KLHL25: variants seen among roughly 807,000 people sequenced by gnomAD.
The protein encoded by KLHL25 is kelch-like protein 25.
A neutral mutation model predicts 30.0 loss-of-function variants in KLHL25; 41 were observed. The observed-to-expected ratio is 1.37, with a 90% confidence interval of 1.07 to 1.78. KLHL25 has a LOEUF of 1.78. Ranked by LOEUF, KLHL25 falls within the 40% of genes most tolerant of loss-of-function variation. The pLI, the probability that KLHL25 is intolerant of heterozygous loss-of-function variation, is 0.00. For missense variants in KLHL25, 971 were observed against 824.5 expected, an observed-to-expected ratio of 1.18 and a Z score of -2.18; for synonymous variants, 399 against 355.3, an observed-to-expected ratio of 1.12 and a Z score of -1.38.
chr15:85,780,451 T>G (rs2089736049), intron 1 of KLHL25, among the ~76,000 whole-genome samples: 1 of 152,224 alleles, frequency 6.6e-6, no homozygotes, highest in African/African-American at 2.4e-5. Context: ...AGATGCAGTC[T>G]GAGGACCTGG....
intron 1 of KLHL25, chr15:85,770,559 G>A: frequency 1.9e-6 from 1 of 533,894 alleles, no homozygotes; most frequent in Non-Finnish European, 3.8e-6. Flanking sequence ...GTCTCCACAG[G>A]GCTCTTTACC....
chr15:85,769,522 C>G lies in KLHL25; in HGVS notation c.289G>C (p.Val97Leu). 1 of 1,613,958 alleles carries G rather than the reference C, an allele frequency of 6.2e-7. No homozygotes were observed. The highest frequency in any genetic ancestry group is 8.5e-7 in the Non-Finnish European group (1 of 1,180,034). ...VNFQDNLHPE[V>L]LELLLDFAYS... The stretch of plus-strand genomic sequence containing the variant: ...GCAAAGTCCAGCAGCAGCTCCAGCA[C>G]CTCCGGGTGCAGGTTGTCCTGGAAG... Residue 97 changes from valine to leucine, a missense_variant, in exon 2 of 3, where the codon GTG becomes CTG. Val to Leu is a conservative substitution (Grantham distance 32). Transcript: ENST00000337975.
chr15:85,782,642 T>C (rs2089751211), intron 1 of KLHL25, among the ~76,000 whole-genome samples: 1 of 152,116 alleles, frequency 6.6e-6, no homozygotes, highest in Non-Finnish European at 1.5e-5. Flanking sequence ...TTGTCCACAG[T>C]ACATGCTCAG....
intron 2 of KLHL25, chr15:85,762,929 G>A (rs944141941): frequency 2.6e-5 from 4 of 152,474 alleles, no homozygotes; most frequent in Non-Finnish European, 5.9e-5. Context: ...AGCCAGGACT[G>A]GAACCCTGCC....
intron 1 of KLHL25, among the ~76,000 whole-genome samples, chr15:85,782,405 C>G (rs972609942): frequency 1.3e-5 from 2 of 151,808 alleles, no homozygotes. Context: ...GTGAGCGCTC[C>G]TGCTCAAAAG....
intron 2 of KLHL25, chr15:85,762,124 G>A (rs1045912083): frequency 6.6e-6 from 1 of 152,318 alleles, no homozygotes; most frequent in African/African-American, 2.4e-5. Context: ...TTCGGCGACT[G>A]AGAAGGCCCC....
At chr15:85,786,794 A>G (rs1162720120) in intron 1 of KLHL25, among the ~76,000 whole-genome samples, 1 of 152,180 alleles carries the variant, frequency 6.6e-6, no homozygotes, top group East Asian at 1.9e-4. Context: ...AATTCACTCA[A>G]ATGTTCCAGA....
chr15:85,776,885 A>G (rs1374104972), intron 1 of KLHL25, among the ~76,000 whole-genome samples: 1 of 152,004 alleles, frequency 6.6e-6, no homozygotes, highest in African/African-American at 2.4e-5. Flanking sequence ...AGATGCCACC[A>G]TCGCACTCCA....
intron 1 of KLHL25, chr15:85,770,631 C>G: frequency 2.0e-6 from 1 of 505,528 alleles, no homozygotes; most frequent in South Asian, 1.5e-5. Flanking sequence ...GAGACCAACG[C>G]AGAGGCCCAA....
At chr15:85,788,633 C>A (rs903657998) in intron 1 of KLHL25, among the ~76,000 whole-genome samples, 2 of 152,156 alleles carry the variant, frequency 1.3e-5, no homozygotes, top group Non-Finnish European at 2.9e-5. Context: ...GAGACCCTAG[C>A]GCTGTGCCAT....
intron 1 of KLHL25, among the ~76,000 whole-genome samples, chr15:85,791,566 G>C (rs576820901): frequency 6.6e-6 from 1 of 152,158 alleles, no homozygotes; most frequent in Non-Finnish European, 1.5e-5. Flanking sequence ...GACAGGGCTT[G>C]GAAGGAAAGC....
chr15:85,764,754 G>C (rs1030568989), intron 2 of KLHL25, among the ~76,000 whole-genome samples: 2 of 152,220 alleles, frequency 1.3e-5, no homozygotes, highest in East Asian at 1.9e-4. Context: ...ATCAGCATCA[G>C]CATCTCCCTG....
chr15:85,781,602 G>C (rs2089743643), intron 1 of KLHL25, among the ~76,000 whole-genome samples: 1 of 152,110 alleles, frequency 6.6e-6, no homozygotes, highest in South Asian at 2.1e-4. Flanking sequence ...TCCTGCCTCA[G>C]CCTCCCAAGT....
At chr15:85,785,969 C>CG (rs1005111718) in intron 1 of KLHL25, among the ~76,000 whole-genome samples, 2 of 143,010 alleles carry the variant, frequency 1.4e-5, no homozygotes, top group Non-Finnish European at 3.1e-5. Context: ...GACCCACCCC[C>CG]CCGCCCCAGG....
Position 85,768,506 on chromosome 15 carries a change from G to A in KLHL25, c.1305C>T (p.Ser435=). ...MMVAPLRDGV[S]NAAVVSAKLK... ...GCTTGGCACTCACCACTGCGGCATT[G>A]CTGACGCCATCCCGCAAGGGGGCCA... The change falls in exon 2 of 3, where the codon AGC becomes AGT. Residue 435 remains serine, a synonymous_variant. Coordinates refer to ENST00000337975, the MANE Select transcript of KLHL25 (RefSeq NM_022480.4). The A allele has an allele frequency of 6.2e-7, 1 of 1,613,704 alleles. No individual in the cohort carries two copies. Among genetic ancestry groups the A allele is most frequent in the Non-Finnish European group, 8.5e-7 (1 of 1,180,010 alleles).
At chr15:85,792,875 G>T (rs1199280643) in intron 1 of KLHL25, among the ~76,000 whole-genome samples, 2 of 152,084 alleles carry the variant, frequency 1.3e-5, no homozygotes, top group Non-Finnish European at 2.9e-5. Context: ...ACTACGATGT[G>T]TCAGGGCCCC....
At chr15:85,766,666 C>G (rs2089628015) in intron 2 of KLHL25, among the ~76,000 whole-genome samples, 1 of 152,246 alleles carries the variant, frequency 6.6e-6, no homozygotes. Flanking sequence ...GTCCCACCAT[C>G]ACCTCCCACA....
chr15:85,777,662 C>T (rs933831656), intron 1 of KLHL25, among the ~76,000 whole-genome samples: 2 of 152,198 alleles, frequency 1.3e-5, no homozygotes, highest in Admixed American at 1.3e-4. Context: ...CCTCTGGTCA[C>T]CAGGGAGTGG....
Position 85,768,069 on chromosome 15 carries a change from A to C in KLHL25, c.1742T>G (p.Val581Gly), listed in dbSNP as rs2089636152. Residue 581 changes from valine to glycine, a missense_variant, in exon 2 of 3, where the codon GTC becomes GGC. Physicochemically the swap from Val to Gly is moderately radical, Grantham distance 109. Transcript: ENST00000337975. Reference sequence around the variant, plus strand: ...CGCGGGCAGGTGCTTCCAGGTGCTGACAAAGGCCGTGGGGATAAGTGAGTA... The same window carrying C: ...CGCGGGCAGGTGCTTCCAGGTGCTGCCAAAGGCCGTGGGGATAAGTGAGTA... ...VPYSLIPTAF[V>G]STWKHLPA The C allele has an allele frequency of 6.2e-7, 1 of 1,612,920 alleles. No individual in the cohort carries two copies. Among genetic ancestry groups the C allele is most frequent in the South Asian group, 1.1e-5 (1 of 91,046 alleles).
Sources: gnomAD v4.1 joint callset for allele counts (sites outside exome capture counted in the v4.1 genomes callset) on GRCh38, gnomAD v4.1.1 for gene constraint, MANE v1.5 for transcripts, NCBI Gene and HGNC (gene_info 2026-07-23, HGNC 2026-07-21) for gene names.